Variants in SIPA1L1 observed in about 807,000 individuals in gnomAD.
SIPA1L1 encodes the protein signal induced proliferation associated 1 like 1.
Under a neutral mutation model 162.7 loss-of-function variants are expected in SIPA1L1, and 26 were observed. The ratio of observed to expected loss-of-function variants is 0.16; its 90% confidence interval spans 0.12 to 0.22. SIPA1L1 has a LOEUF of 0.22. Ranked by LOEUF, SIPA1L1 falls within the 10% of genes least tolerant of loss-of-function variation. SIPA1L1 has a pLI of 1.00. For missense variants in SIPA1L1, 1,874 were observed against 2,241.0 expected (o/e 0.84, Z 3.31); for synonymous variants, 829 against 837.4 (o/e 0.99, Z 0.17).
At chr14:71,731,686 C>T (rs532774881) in intron 20 of SIPA1L1, among the ~76,000 whole-genome samples, 43 of 152,310 alleles carry the variant, frequency 2.8e-4, no homozygotes, top group African/African-American at 1.0e-3. Context: ...GCCTACATTC[C>T]GAAAGAACAG....
intron 4 of SIPA1L1, among the ~76,000 whole-genome samples, chr14:71,532,890 C>G (rs1208797720): frequency 6.6e-6 from 1 of 152,190 alleles, no homozygotes; most frequent in Admixed American, 6.5e-5. Context: ...GGCCTGTCTT[C>G]CAGCTCCCGT....
chr14:71,516,363 T>A (rs552136613), intron 3 of SIPA1L1, among the ~76,000 whole-genome samples: 1 of 152,302 alleles, frequency 6.6e-6, no homozygotes, highest in African/African-American at 2.4e-5. Flanking sequence ...TCCCTGTAGC[T>A]GAGTAATAAA....
intron 2 of SIPA1L1, among the ~76,000 whole-genome samples, chr14:71,499,381 A>G (rs1345995377): frequency 6.6e-6 from 1 of 151,402 alleles, no homozygotes; most frequent in East Asian, 1.9e-4. Context: ...AGAAAAGGAA[A>G]CTCTTCCTAT....
At chr14:71,373,361 G>A (rs933336199) in intron 2 of SIPA1L1, among the ~76,000 whole-genome samples, 1 of 150,350 alleles carries the variant, frequency 6.7e-6, no homozygotes, top group Non-Finnish European at 1.5e-5. Context: ...GGTAGCTCAC[G>A]CCTGTAATCC....
Position 71,685,652 on chromosome 14 carries a change from T to G in SIPA1L1, c.3374+21T>G, listed in dbSNP as rs766097370. 4 of 1,612,444 alleles carry G rather than the reference T, an allele frequency of 2.5e-6. No individual in the cohort carries two copies. The Admixed American group carries it at 6.7e-5, about 27-fold the overall frequency. The stretch of plus-strand genomic sequence containing the variant: ...AGGCGGTAAGTGTGCCTTCAAAGGT[T>G]TGCTCTATCTCTCTCTGCCCCAAAT... On this transcript the variant is annotated intron_variant, in intron 13 of 23. Transcript: ENST00000381232.
At chr14:71,412,166 T>G (rs2042451585) in intron 2 of SIPA1L1, among the ~76,000 whole-genome samples, 1 of 152,248 alleles carries the variant, frequency 6.6e-6, no homozygotes, top group African/African-American at 2.4e-5. Flanking sequence ...TTTTGTTATC[T>G]TAGATATCTG....
chr14:71,432,226 C>T (rs559055295), intron 2 of SIPA1L1, among the ~76,000 whole-genome samples: 1 of 152,168 alleles, frequency 6.6e-6, no homozygotes, highest in South Asian at 2.1e-4. Context: ...AGACCTGTGC[C>T]ACCTTGCCTG....
chr14:71,554,786 G>T (rs1567199168), intron 4 of SIPA1L1, among the ~76,000 whole-genome samples: 1 of 152,020 alleles, frequency 6.6e-6, no homozygotes, highest in Non-Finnish European at 1.5e-5. Context: ...CATTTAGGTT[G>T]TTTATAGCTC....
chr14:71,420,682 C>T (rs910600488), intron 2 of SIPA1L1, among the ~76,000 whole-genome samples: 1 of 152,154 alleles, frequency 6.6e-6, no homozygotes, highest in African/African-American at 2.4e-5. Context: ...CTAGCTTCCA[C>T]AGTCATGGAC....
At position 71,533,691 on chromosome 14, in the gene SIPA1L1, A is replaced by G. The variant is rs754895353; in HGVS notation, c.-303+4321A>G. On this transcript the variant is annotated intron_variant, in intron 4 of 23. Coordinates refer to ENST00000381232, the MANE Select transcript of SIPA1L1 (RefSeq NM_001386936.1). ...GTCTTTGTTAGTATAGGGCATTGCT[A>G]TTTGTCAGACCTTGCCACTTTCATT... Among the ~76,000 whole-genome samples the G allele has an allele frequency of 2.0e-5, 3 of 152,206 alleles. 1 individual carries two copies. The highest frequency in any genetic ancestry group is 2.0e-4 in the Admixed American group (3 of 15,276).
intron 2 of SIPA1L1, among the ~76,000 whole-genome samples, chr14:71,405,984 A>G (rs1297086634): frequency 3.3e-5 from 5 of 152,222 alleles, no homozygotes; most frequent in African/African-American, 7.2e-5. Context: ...TCTGTGGAAA[A>G]TGATCATGGG....
intron 17 of SIPA1L1, among the ~76,000 whole-genome samples, chr14:71,723,334 A>C (rs1219420930): frequency 6.6e-6 from 1 of 152,224 alleles, no homozygotes; most frequent in Admixed American, 6.5e-5. Context: ...GTCTCTTGCC[A>C]CTGCCAGACT....
At chr14:71,368,142 C>CTTTTTTTTTTT (rs755238643) in intron 2 of SIPA1L1, among the ~76,000 whole-genome samples, 1 of 115,180 alleles carries the variant, frequency 8.7e-6, no homozygotes, top group Non-Finnish European at 1.8e-5. Context: ...TTGTGGTATT[C>CTTTTTTTTTTT]TTTTTTTTTT....
intron 2 of SIPA1L1, among the ~76,000 whole-genome samples, chr14:71,494,785 GTGCACCACCT>G (rs2049595251): frequency 6.6e-6 from 1 of 152,100 alleles, no homozygotes; most frequent in Non-Finnish European, 1.5e-5. Context: ...GACTACAGGT[GTGCACCACCT>G]TGCCTGGCTA....
At chr14:71,626,305 G>A (rs1292398644) in intron 7 of SIPA1L1, among the ~76,000 whole-genome samples, 3 of 152,280 alleles carry the variant, frequency 2.0e-5, no homozygotes, top group East Asian at 1.9e-4. Context: ...TTACTAGACA[G>A]TGGAATCTAG....
intron 2 of SIPA1L1, among the ~76,000 whole-genome samples, chr14:71,423,438 G>T (rs1403922055): frequency 6.6e-6 from 1 of 152,088 alleles, no homozygotes; most frequent in Non-Finnish European, 1.5e-5. Flanking sequence ...ATGTTTTCCT[G>T]TGAGAGCTTT....
chr14:71,412,880 G>A (rs2042504608), intron 2 of SIPA1L1, among the ~76,000 whole-genome samples: 1 of 152,212 alleles, frequency 6.6e-6, no homozygotes, highest in Admixed American at 6.5e-5. Flanking sequence ...TATTGGGCAT[G>A]TGTGTGGGTA....
chr14:71,569,923 C>G (rs2031626674), intron 4 of SIPA1L1, among the ~76,000 whole-genome samples: 1 of 152,216 alleles, frequency 6.6e-6, no homozygotes, highest in Non-Finnish European at 1.5e-5. Context: ...CCAGGACATG[C>G]ATGTCTCATT....
At chr14:71,389,864 G>C (rs1191646199) in intron 2 of SIPA1L1, among the ~76,000 whole-genome samples, 3 of 152,216 alleles carry the variant, frequency 2.0e-5, no homozygotes. Context: ...GCTCGGAGGA[G>C]AGTGGGAAAG....
Sources: gnomAD v4.1 joint callset for allele counts (sites outside exome capture counted in the v4.1 genomes callset) on GRCh38, gnomAD v4.1.1 for gene constraint, MANE v1.5 for transcripts, NCBI Gene and HGNC (gene_info 2026-07-23, HGNC 2026-07-21) for gene names.